The following LRRTM3 variants were observed in gnomAD, a reference collection of about 807,000 sequenced individuals.
The protein encoded by LRRTM3 is leucine-rich repeat transmembrane neuronal protein 3.
In LRRTM3, 24 loss-of-function variants were observed where a neutral mutation model predicts 44.7. That is an observed-to-expected ratio of 0.54 (90% CI 0.39 to 0.76). The LOEUF (loss-of-function observed/expected upper bound fraction) is 0.76, where lower values mean the gene tolerates loss of function less well. LRRTM3 is among the 30% of genes least tolerant of loss of function. The pLI is 0.00. For missense variants in LRRTM3, 587 were observed against 702.2 expected (o/e 0.84, Z 1.85); for synonymous variants, 277 against 278.7 (o/e 0.99, Z 0.06).
intron 2 of LRRTM3, among the ~76,000 whole-genome samples, chr10:66,977,944 G>A (rs914221617): frequency 6.6e-6 from 1 of 151,864 alleles, no homozygotes; most frequent in African/African-American, 2.4e-5. Context: ...CATATTTTAG[G>A]AAAAATGACA....
At chr10:66,986,127 G>T (rs899380519) in intron 2 of LRRTM3, among the ~76,000 whole-genome samples, 1 of 152,100 alleles carries the variant, frequency 6.6e-6, no homozygotes, top group African/African-American at 2.4e-5. Context: ...AGATTTGCCT[G>T]TCTGGTTAAT....
chr10:67,008,834 C>T (rs1224042659), intron 2 of LRRTM3, among the ~76,000 whole-genome samples: 1 of 152,036 alleles, frequency 6.6e-6, no homozygotes, highest in African/African-American at 2.4e-5. Context: ...CTTTGTTTAC[C>T]TTATTGTTTT....
At chr10:67,088,559 T>C (rs1021610688) in intron 2 of LRRTM3, among the ~76,000 whole-genome samples, 1 of 151,948 alleles carries the variant, frequency 6.6e-6, no homozygotes, top group Non-Finnish European at 1.5e-5. Context: ...AAAGACAAAT[T>C]TGCAAGACAC....
At chr10:67,077,664 A>G (rs1289971024) in intron 2 of LRRTM3, among the ~76,000 whole-genome samples, 1 of 152,162 alleles carries the variant, frequency 6.6e-6, no homozygotes, top group Non-Finnish European at 1.5e-5. Flanking sequence ...TCTGTAACCA[A>G]CATCAAAATT....
At chr10:66,941,236 A>C (rs1847977937) in intron 2 of LRRTM3, among the ~76,000 whole-genome samples, 1 of 152,166 alleles carries the variant, frequency 6.6e-6, no homozygotes, top group Non-Finnish European at 1.5e-5. Context: ...TCTCCATTTT[A>C]CTCCAGTGTC....
chr10:66,995,925 A>G (rs1377404811), intron 2 of LRRTM3, among the ~76,000 whole-genome samples: 1 of 152,198 alleles, frequency 6.6e-6, no homozygotes, highest in African/African-American at 2.4e-5. Flanking sequence ...TGCATTAGAC[A>G]TTGTATTCAG....
In LRRTM3 at chr10:67,098,634, G is replaced by A. The variant is rs1038620458; in HGVS notation, c.*838G>A. The A allele has an allele frequency of 1.3e-5, 2 of 152,222 alleles. No homozygotes were observed. Among genetic ancestry groups the A allele is most frequent in the African/African-American group, 4.8e-5 (2 of 41,338 alleles). The allele number at this position is 152,222 out of a possible 1,614,324, so 9.4% of individuals were successfully genotyped here. A position where few individuals can be genotyped will look rare whatever the true frequency, so the allele number is the denominator to read the frequency against. On this transcript the variant is annotated 3_prime_UTR_variant, in exon 3 of 3. Coordinates refer to ENST00000361320, the MANE Select transcript of LRRTM3 (RefSeq NM_178011.5). ...TGAGTAACCATTGTTAAGGGTTGGGGGAAAGCATGGACAAAACATCACTGG... is the reference window on the plus strand; with the variant it reads ...TGAGTAACCATTGTTAAGGGTTGGGAGAAAGCATGGACAAAACATCACTGG...
chr10:66,942,072 A>C (rs1257262266), intron 2 of LRRTM3, among the ~76,000 whole-genome samples: 1 of 152,100 alleles, frequency 6.6e-6, no homozygotes, highest in African/African-American at 2.4e-5. Flanking sequence ...TCATCTGTAA[A>C]ATGGGAACAA....
chr10:67,070,455 A>C (rs1856377578), intron 2 of LRRTM3, among the ~76,000 whole-genome samples: 1 of 152,314 alleles, frequency 6.6e-6, no homozygotes, highest in South Asian at 2.1e-4. Context: ...GTCCCGATTA[A>C]GAAATCCTTG....
intron 2 of LRRTM3, among the ~76,000 whole-genome samples, chr10:67,016,638 A>C (rs1202308740): frequency 6.6e-6 from 1 of 152,176 alleles, no homozygotes; most frequent in South Asian, 2.1e-4. Context: ...TTAATCAAAA[A>C]CTACCAAATA....
chr10:67,044,938 T>C (rs951589930), intron 2 of LRRTM3, among the ~76,000 whole-genome samples: 1 of 152,184 alleles, frequency 6.6e-6, no homozygotes, highest in Non-Finnish European at 1.5e-5. Context: ...AACCAGAAGC[T>C]GTGAAAAGTA....
At chr10:66,972,621 CTAAG>C (rs1052499533) in intron 2 of LRRTM3, among the ~76,000 whole-genome samples, 4 of 150,160 alleles carry the variant, frequency 2.7e-5, no homozygotes, top group African/African-American at 9.8e-5. Flanking sequence ...AGTGCTTTTT[CTAAG>C]TAAGACATGA....
intron 2 of LRRTM3, among the ~76,000 whole-genome samples, chr10:67,071,265 T>A (rs1248338738): frequency 6.6e-6 from 1 of 151,638 alleles, no homozygotes. Context: ...TTCCCTTTGG[T>A]ATTCCTTTTA....
At position 67,001,504 on chromosome 10, in the gene LRRTM3, T is replaced by C. The variant is rs1477557532; in HGVS notation, c.1536+73052T>C. ...ATGGGGGGCACAGACAGGTGGAAAA[T>C]TTAGAGGAATATAGAATTTTTCACC... On this transcript the variant is annotated intron_variant, in intron 2 of 2. Transcript: ENST00000361320. 2.0e-5 allele frequency among the ~76,000 whole-genome samples: 3 copies of C among 151,240 alleles called. No individual in the cohort carries two copies. The East Asian group carries it at 5.8e-4, about 29-fold the overall frequency.
chr10:67,083,885 T>C (rs536374655), intron 2 of LRRTM3, among the ~76,000 whole-genome samples: 1 of 152,194 alleles, frequency 6.6e-6, no homozygotes, highest in East Asian at 1.9e-4. Flanking sequence ...AAGCAAAATT[T>C]AAAAGCACAT....
chr10:67,009,387 G>T (rs192875595), intron 2 of LRRTM3, among the ~76,000 whole-genome samples: 7 of 151,568 alleles, frequency 4.6e-5, no homozygotes, highest in African/African-American at 1.5e-4. Flanking sequence ...TATTCCACTT[G>T]TTGTTATTGC....
In LRRTM3 at chr10:67,100,740, C is replaced by T. The variant is rs887149374; in HGVS notation, c.*2944C>T. ...GCAGTGTTTTGAAGTTCACAAACCA[C>T]ATTTTACATAAATTATCTCATTTTG... On this transcript the variant is annotated 3_prime_UTR_variant, in exon 3 of 3. Transcript: ENST00000361320. 2.6e-5 allele frequency among the ~76,000 whole-genome samples: 4 copies of T among 151,692 alleles called. No individual in the cohort carries two copies. The highest frequency in any genetic ancestry group is 9.7e-5 in the African/African-American group (4 of 41,370).
At chr10:66,937,511 T>C (rs981542825) in intron 2 of LRRTM3, among the ~76,000 whole-genome samples, 31 of 152,122 alleles carry the variant, frequency 2.0e-4, no homozygotes, top group African/African-American at 7.5e-4. Context: ...CATATTACAC[T>C]ACCTATTTTT....
chr10:66,964,178 C>T (rs139746605), intron 2 of LRRTM3, among the ~76,000 whole-genome samples: 8 of 151,956 alleles, frequency 5.3e-5, no homozygotes, highest in African/African-American at 1.9e-4. Flanking sequence ...ACAGTAACAT[C>T]GTAGGAAAAA....
Sources: allele counts gnomAD v4.1 joint callset (sites outside exome capture counted in the v4.1 genomes callset), GRCh38; gene constraint gnomAD v4.1.1; transcripts MANE v1.5; gene names NCBI Gene and HGNC (gene_info 2026-07-23, HGNC 2026-07-21).